HDAC8: variants seen among roughly 807,000 people sequenced by gnomAD.
HDAC8 encodes the protein histone deacetylase 8.
HDAC8 carries 1 observed loss-of-function variant against 32.2 expected under a neutral mutation model. The observed-to-expected ratio is 0.03, with a 90% CI of 0.01 to 0.15. The LOEUF (loss-of-function observed/expected upper bound fraction) is 0.15. HDAC8 is among the 10% of genes least tolerant of loss of function. The pLI is 1.00. For missense variants in HDAC8, 117 were observed against 300.0 expected (o/e 0.39, Z 4.51); for synonymous variants, 108 against 113.9 (o/e 0.95, Z 0.33).
chrX:72,567,044 C>T (rs2051819562), intron 4 of HDAC8, among the ~76,000 whole-genome samples: 1 of 112,026 alleles, frequency 8.9e-6, no homozygotes, highest in Non-Finnish European at 1.9e-5. Context: ...ACTCAGGAGG[C>T]TGAGGCAGGA....
At chrX:72,387,342 G>A (rs370604516) in intron 9 of HDAC8, among the ~76,000 whole-genome samples, 1 of 112,222 alleles carries the variant, frequency 8.9e-6, no homozygotes, top group Non-Finnish European at 1.9e-5. Flanking sequence ...TGCTTAAGGA[G>A]TTTAGTAGCA....
chrX:72,376,819 T>C (rs1193990090), intron 9 of HDAC8, among the ~76,000 whole-genome samples: 1 of 112,079 alleles, frequency 8.9e-6, no homozygotes, highest in Non-Finnish European at 1.9e-5. Flanking sequence ...TAATCTTTCT[T>C]ATTTTTAAGC....
At chrX:72,552,214 C>G (rs1221790821) in intron 4 of HDAC8, among the ~76,000 whole-genome samples, 1 of 111,554 alleles carries the variant, frequency 9.0e-6, no homozygotes, top group Non-Finnish European at 1.9e-5. Context: ...ATAATCCTAG[C>G]ACTCTGGGAA....
chrX:72,356,558 G>A (rs1016553947), intron 9 of HDAC8, among the ~76,000 whole-genome samples: 7 of 110,885 alleles, frequency 6.3e-5, no homozygotes, highest in Admixed American at 2.9e-4. Context: ...GTGAGTAGAA[G>A]CTTGTGGGAG....
chrX:72,473,839 C>A (rs1555998978), intron 7 of HDAC8: 1 of 753,018 alleles, frequency 1.3e-6, no homozygotes, highest in Admixed American at 8.7e-5. Context: ...CAGTGGCTCC[C>A]AAAATGTTTA....
chrX:72,335,531 T>C (rs1267556214), intron 10 of HDAC8, among the ~76,000 whole-genome samples: 1 of 112,330 alleles, frequency 8.9e-6, no homozygotes, highest in Non-Finnish European at 1.9e-5. Context: ...ATTGTCTGGA[T>C]GTACAACGGG....
intron 10 of HDAC8, among the ~76,000 whole-genome samples, chrX:72,331,054 C>T (rs781946637): frequency 1.0e-5 from 1 of 98,416 alleles, no homozygotes; most frequent in South Asian, 5.3e-4. Flanking sequence ...TCAAGCAATT[C>T]TCCTGCCTCA....
At chrX:72,547,683 G>A (rs1235250834) in intron 4 of HDAC8, among the ~76,000 whole-genome samples, 1 of 111,029 alleles carries the variant, frequency 9.0e-6, no homozygotes, top group Non-Finnish European at 1.9e-5. Context: ...ACCCAACTTG[G>A]TCACTTACTA....
At chrX:72,564,043 C>G (rs1350164059) in intron 4 of HDAC8, among the ~76,000 whole-genome samples, 1 of 111,056 alleles carries the variant, frequency 9.0e-6, no homozygotes, top group South Asian at 3.9e-4. Context: ...GCCTGTAATC[C>G]CAGCTACTCA....
intron 8 of HDAC8, among the ~76,000 whole-genome samples, chrX:72,462,910 T>C (rs1409123882): frequency 8.9e-6 from 1 of 112,095 alleles, no homozygotes; most frequent in Non-Finnish European, 1.9e-5. Context: ...AGGGTGACCA[T>C]ATAAATTATC....
chrX:72,414,232 T>C (rs782209227), intron 9 of HDAC8, among the ~76,000 whole-genome samples: 8 of 112,487 alleles, frequency 7.1e-5, no homozygotes, highest in Non-Finnish European at 1.5e-4. Flanking sequence ...CTATTACATC[T>C]TCTTTGGGTC....
intron 9 of HDAC8, among the ~76,000 whole-genome samples, chrX:72,390,852 G>T: frequency 9.0e-6 from 1 of 111,721 alleles, no homozygotes; most frequent in African/African-American, 3.3e-5. Context: ...TGCATTCTCT[G>T]TCATCTATTC....
intron 9 of HDAC8, among the ~76,000 whole-genome samples, chrX:72,454,531 G>A (rs984197395): frequency 3.6e-5 from 4 of 112,134 alleles, no homozygotes; most frequent in East Asian, 2.8e-4. Context: ...TATATGTAAC[G>A]AATTTACCTT....
chrX:72,399,566 T>C (rs2045852310), intron 9 of HDAC8, among the ~76,000 whole-genome samples: 1 of 111,856 alleles, frequency 8.9e-6, no homozygotes. Context: ...TATATATTGA[T>C]TGCAAAGGAT....
intron 10 of HDAC8, among the ~76,000 whole-genome samples, chrX:72,350,474 T>A (rs2044147128): frequency 9.0e-6 from 1 of 111,101 alleles, no homozygotes; most frequent in Non-Finnish European, 1.9e-5. Context: ...CAGGCCTCCT[T>A]TTTGTGTTGG....
chrX:72,364,353 T>C (rs782037620), intron 9 of HDAC8, among the ~76,000 whole-genome samples: 2 of 111,474 alleles, frequency 1.8e-5, no homozygotes, highest in South Asian at 7.6e-4. Context: ...GTTCGCGCCC[T>C]CTGTTGGTGT....
chrX:72,402,002 GT>G (rs1555967510), intron 9 of HDAC8, among the ~76,000 whole-genome samples: 1 of 111,300 alleles, frequency 9.0e-6, no homozygotes, highest in Non-Finnish European at 1.9e-5. Flanking sequence ...TTGGTGGCAG[GT>G]TTTTTTTGAT....
chrX:72,425,872 T>G (rs1321795743), intron 9 of HDAC8, among the ~76,000 whole-genome samples: 1 of 111,714 alleles, frequency 9.0e-6, no homozygotes, highest in Non-Finnish European at 1.9e-5. Flanking sequence ...ATGTCCTTCC[T>G]CTTGAGTACT....
chrX:72,568,674 G>A (rs1320788842), intron 3 of HDAC8, 80 bp downstream of exon 3: 10 of 1,103,355 alleles, frequency 9.1e-6, no homozygotes, highest in African/African-American at 1.8e-5. Context: ...ATTTCTTAAC[G>A]AAAAATATTA....
Sources: allele counts gnomAD v4.1 joint callset (sites outside exome capture counted in the v4.1 genomes callset), GRCh38; gene constraint gnomAD v4.1.1; transcripts MANE v1.5; gene names NCBI Gene and HGNC (gene_info 2026-07-23, HGNC 2026-07-21).